Variants in SLC15A5 observed in about 807,000 individuals in gnomAD.
SLC15A5 encodes the protein solute carrier family 15 member 5, also known as Peptide/histidine transporter ENSP00000340402.
SLC15A5 carries 58 observed loss-of-function variants against 56.1 expected under a neutral mutation model. The observed-to-expected ratio is 1.03, with a 90% CI of 0.84 to 1.29. The LOEUF is 1.29. Ranked by LOEUF, SLC15A5 falls within the 50% of genes most tolerant of loss-of-function variation. The pLI is 0.00. For synonymous variants in SLC15A5, 264 were observed against 250.5 expected (o/e 1.05, Z -0.51); for missense variants, 681 against 672.1 (o/e 1.01, Z -0.15).
At chr12:16,211,443 A>T (rs7979356) in intron 7 of SLC15A5, among the ~76,000 whole-genome samples, 3,018 of 152,290 alleles carry the variant, frequency 0.02, 106 homozygotes, top group African/African-American at 0.067. Flanking sequence ...GAGGAGAAGG[A>T]ACTTGTAGGG....
chr12:16,254,850 T>C (rs1396906679), intron 3 of SLC15A5, among the ~76,000 whole-genome samples: 1 of 152,082 alleles, frequency 6.6e-6, no homozygotes, highest in African/African-American at 2.4e-5. Context: ...CTGGGAAGCA[T>C]AGGGGCAAGG....
At chr12:16,189,920 G>T (rs1863824987) in intron 8 of SLC15A5, 105 bp from the exon 9 acceptor site, 1 of 807,766 alleles carries the variant, frequency 1.2e-6, no homozygotes, top group Non-Finnish European at 1.8e-6. Flanking sequence ...TGGGCTCATA[G>T]ATACTGGCAC....
At chr12:16,241,277 G>A (rs1323432097) in intron 4 of SLC15A5, among the ~76,000 whole-genome samples, 1 of 152,098 alleles carries the variant, frequency 6.6e-6, no homozygotes. Context: ...CACCATCCTG[G>A]GAGAGCAGCC....
chr12:16,239,084 G>C (rs17433798), intron 5 of SLC15A5, among the ~76,000 whole-genome samples: 3,433 of 152,270 alleles, frequency 0.023, 48 homozygotes, highest in Non-Finnish European at 0.034. Flanking sequence ...TTGTTTTACT[G>C]TACCCCCACT....
chr12:16,258,489 A>G (rs777260117), intron 2 of SLC15A5, among the ~76,000 whole-genome samples: 10 of 152,198 alleles, frequency 6.6e-5, no homozygotes, highest in Middle Eastern at 3.2e-3. Flanking sequence ...CTACCTCTCA[A>G]CCTTTCACTG....
At chr12:16,251,533 A>G (rs1165988045) in intron 3 of SLC15A5, among the ~76,000 whole-genome samples, 2 of 151,896 alleles carry the variant, frequency 1.3e-5, no homozygotes, top group African/African-American at 4.8e-5. Context: ...AAAGGATTAT[A>G]GAGGAAGAAT....
chr12:16,251,563 T>C (rs1864518957), intron 3 of SLC15A5, among the ~76,000 whole-genome samples: 1 of 151,884 alleles, frequency 6.6e-6, no homozygotes, highest in South Asian at 2.1e-4. Context: ...ACAAATTATA[T>C]AATCTAGAAG....
At position 16,224,354 on chromosome 12, in the gene SLC15A5, G is replaced by T. The variant is rs1050223750; in HGVS notation, c.1351+60C>A. 7 of 1,454,338 alleles carry T rather than the reference G, an allele frequency of 4.8e-6. No homozygotes were observed. The African/African-American group carries it at 8.4e-5, about 17-fold the overall frequency. The allele number at this position is 1,454,338 out of a possible 1,614,324, so 90.1% of individuals were successfully genotyped here. A position where few individuals can be genotyped will look rare whatever the true frequency, so the allele number is the denominator to read the frequency against. ...CCACTTTAATTGTTCTGGTTGAGGT[G>T]ATGTGTTCTGTGTAAAGGTTCAGTA... On this transcript the variant is annotated intron_variant, in intron 6 of 8. Coordinates refer to ENST00000344941, the MANE Select transcript of SLC15A5 (RefSeq NM_001170798.1).
chr12:16,190,498 C>T lies in SLC15A5; in HGVS notation c.1593-683G>A, dbSNP rs533799602. Among the ~76,000 whole-genome samples the T allele has an allele frequency of 8.5e-5, 13 of 152,278 alleles. No individual in the cohort carries two copies. In the East Asian group the frequency reaches 1.9e-3, roughly 23 times the overall value. ...GACAAATTACTTTCTTAAACACTTT[C>T]GGGTAAGTTCCAGCAAAATAGGAAC... is the stretch of plus-strand genomic sequence containing the variant. On this transcript the variant is annotated intron_variant, in intron 8 of 8. Transcript: ENST00000344941.
At chr12:16,227,935 T>C (rs900920573) in intron 5 of SLC15A5, among the ~76,000 whole-genome samples, 13 of 152,054 alleles carry the variant, frequency 8.5e-5, no homozygotes, top group African/African-American at 3.1e-4. Context: ...CTGGAAAATA[T>C]AAGGAAGGTA....
chr12:16,266,876 A>G lies in SLC15A5; in HGVS notation c.584+5685T>C, dbSNP rs562343494. On this transcript the variant is annotated intron_variant, in intron 2 of 8. Coordinates refer to ENST00000344941, the MANE Select transcript of SLC15A5 (RefSeq NM_001170798.1). ...CTTTTAAATACAGACTGAGAACTGC[A>G]AATAATTGGGAGTATATATAAGTGG... is the stretch of plus-strand genomic sequence containing the variant. Among the ~76,000 whole-genome samples, 13 of 152,332 alleles carry G rather than the reference A, an allele frequency of 8.5e-5. No individual in the cohort carries two copies. In the East Asian group the frequency reaches 2.5e-3, roughly 29 times the overall value.
At chr12:16,262,768 C>T (rs1442720891) in intron 2 of SLC15A5, among the ~76,000 whole-genome samples, 1 of 152,102 alleles carries the variant, frequency 6.6e-6, no homozygotes, top group East Asian at 1.9e-4. Flanking sequence ...TTCTGTGATG[C>T]TCTCGTGATA....
At chr12:16,245,347 T>G (rs1864451849) in intron 3 of SLC15A5, among the ~76,000 whole-genome samples, 1 of 152,194 alleles carries the variant, frequency 6.6e-6, no homozygotes, top group South Asian at 2.1e-4. Context: ...AATGATTTTA[T>G]GCATGTTGAT....
intron 3 of SLC15A5, among the ~76,000 whole-genome samples, chr12:16,253,225 G>A (rs1864536614): frequency 6.6e-6 from 1 of 151,998 alleles, no homozygotes; most frequent in South Asian, 2.1e-4. Context: ...ATTTAGCAAT[G>A]ATTTCTTGGA....
chr12:16,241,125 T>C (rs1224232173), intron 4 of SLC15A5, among the ~76,000 whole-genome samples: 9 of 152,044 alleles, frequency 5.9e-5, no homozygotes, highest in Admixed American at 5.9e-4. Context: ...TCATGATCTT[T>C]AGTAGCGCAT....
Position 16,228,215 on chromosome 12 carries a change from AAAT to A in SLC15A5, c.1163-3616_1163-3614del, listed in dbSNP as rs751564345. The stretch of plus-strand genomic sequence containing the variant: ...GAAATTGGGTGAATCAAGAGAGAAA[AAAT>A]AATGAGTCATCTGCTTAGAGTCAGA... On this transcript the variant is annotated intron_variant, in intron 5 of 8. Coordinates refer to ENST00000344941, the MANE Select transcript of SLC15A5 (RefSeq NM_001170798.1). Among the ~76,000 whole-genome samples the A allele has an allele frequency of 5.3e-5, 8 of 152,338 alleles. No individual in the cohort carries two copies. In the South Asian group the frequency reaches 1.7e-3, roughly 32 times the overall value.
intron 8 of SLC15A5, among the ~76,000 whole-genome samples, chr12:16,190,097 A>G (rs1473633073): frequency 2.0e-5 from 3 of 152,196 alleles, no homozygotes; most frequent in Non-Finnish European, 4.4e-5. Flanking sequence ...GAGAAGGCTG[A>G]AAGCCTATTG....
intron 4 of SLC15A5, among the ~76,000 whole-genome samples, chr12:16,240,748 G>C (rs1369323940): frequency 1.3e-5 from 2 of 152,064 alleles, no homozygotes; most frequent in African/African-American, 4.8e-5. Context: ...ACATGAAAGA[G>C]GTGTCTCTTC....
intron 7 of SLC15A5, among the ~76,000 whole-genome samples, chr12:16,211,232 A>G (rs1207625814): frequency 6.6e-6 from 1 of 152,230 alleles, no homozygotes; most frequent in Non-Finnish European, 1.5e-5. Flanking sequence ...ACTTTTCCAG[A>G]TGCATAAATA....
Sources: allele counts gnomAD v4.1 joint callset (sites outside exome capture counted in the v4.1 genomes callset), GRCh38; gene constraint gnomAD v4.1.1; transcripts MANE v1.5; gene names NCBI Gene and HGNC (gene_info 2026-07-23, HGNC 2026-07-21).